Variants in NMNAT3 observed in about 807,000 individuals in gnomAD.
NMNAT3 encodes the protein nicotinamide nucleotide adenylyltransferase 3.
In NMNAT3, 21 loss-of-function variants were observed where a neutral mutation model predicts 24.8. The ratio of observed to expected loss-of-function variants is 0.85; its 90% CI spans 0.60 to 1.22. The LOEUF (loss-of-function observed/expected upper bound fraction) is 1.22, where lower values mean the gene tolerates loss of function less well. NMNAT3 is among the 50% of genes most tolerant of loss of function. NMNAT3 has a pLI of 0.00. For synonymous variants in NMNAT3, 136 were observed against 155.2 expected, an observed-to-expected ratio of 0.88 and a Z score of 0.92; for missense variants, 387 against 436.6, an observed-to-expected ratio of 0.89 and a Z score of 1.01.
intron 3 of NMNAT3, among the ~76,000 whole-genome samples, chr3:139,597,306 A>T (rs1017842500): frequency 1.3e-5 from 2 of 151,876 alleles, no homozygotes; most frequent in Non-Finnish European, 2.9e-5. Context: ...CTGAGAGCAT[A>T]AAAAAAATCC....
chr3:139,597,851 C>A (rs2054548330), intron 3 of NMNAT3, among the ~76,000 whole-genome samples: 1 of 152,186 alleles, frequency 6.6e-6, no homozygotes, highest in Admixed American at 6.5e-5. Context: ...GAGAAGAATA[C>A]ATAAGGCAGC....
At chr3:139,656,788 T>A (rs1177636219) in intron 1 of NMNAT3, among the ~76,000 whole-genome samples, 2 of 152,102 alleles carry the variant, frequency 1.3e-5, no homozygotes, top group East Asian at 3.9e-4. Context: ...TGAGACCCTG[T>A]CTCTAAAAAC....
chr3:139,644,699 A>G (rs975252324), intron 1 of NMNAT3, among the ~76,000 whole-genome samples: 4 of 152,242 alleles, frequency 2.6e-5, no homozygotes, highest in Admixed American at 1.3e-4. Flanking sequence ...CCTTGATGGA[A>G]TATGAGAAAA....
chr3:139,571,822 G>A (rs916852395), intron 6 of NMNAT3, among the ~76,000 whole-genome samples: 1 of 152,182 alleles, frequency 6.6e-6, no homozygotes, highest in Admixed American at 6.5e-5. Context: ...AGCTGAGACA[G>A]GGATTCTGGA....
intron 1 of NMNAT3, among the ~76,000 whole-genome samples, chr3:139,674,844 C>T (rs1195854442): frequency 3.3e-5 from 5 of 151,972 alleles, no homozygotes; most frequent in African/African-American, 9.7e-5. Flanking sequence ...CATTATTGAC[C>T]GGGCACTTAC....
intron 3 of NMNAT3, among the ~76,000 whole-genome samples, chr3:139,587,323 G>T (rs2053978824): frequency 6.6e-6 from 1 of 152,166 alleles, no homozygotes; most frequent in Non-Finnish European, 1.5e-5. Flanking sequence ...CAAAGCCAGG[G>T]ACTATGGCAT....
intron 2 of NMNAT3, among the ~76,000 whole-genome samples, chr3:139,628,703 G>A (rs1185672650): frequency 2.0e-5 from 3 of 152,154 alleles, no homozygotes; most frequent in African/African-American, 7.2e-5. Flanking sequence ...CTGCCTCCTC[G>A]AGGTGGGACT....
intron 1 of NMNAT3, among the ~76,000 whole-genome samples, chr3:139,645,075 G>A (rs991694068): frequency 3.9e-5 from 6 of 152,052 alleles, no homozygotes; most frequent in African/African-American, 7.2e-5. Context: ...GGTGGCACAC[G>A]CCTGTAATCC....
chr3:139,588,013 T>G (rs1303614774), intron 3 of NMNAT3, among the ~76,000 whole-genome samples: 1 of 152,304 alleles, frequency 6.6e-6, no homozygotes, highest in East Asian at 1.9e-4. Context: ...AAATCAATGC[T>G]TTTTTATAGC....
chr3:139,620,200 CTTTTTT>C (rs34725809), intron 3 of NMNAT3, among the ~76,000 whole-genome samples: 3 of 126,692 alleles, frequency 2.4e-5, no homozygotes, highest in Non-Finnish European at 3.4e-5. Context: ...CTTGTGGAGT[CTTTTTT>C]TTTTTTTTTT....
At chr3:139,573,577 G>A in intron 6 of NMNAT3, 21 bp downstream of exon 6, 1 of 1,477,484 alleles carries the variant, frequency 6.8e-7, no homozygotes, top group Non-Finnish European at 9.2e-7. Flanking sequence ...TTCTCCTACA[G>A]ACAAGAGGAT....
intron 1 of NMNAT3, among the ~76,000 whole-genome samples, chr3:139,672,355 C>A (rs1204713883): frequency 2.0e-5 from 3 of 152,202 alleles, no homozygotes; most frequent in Admixed American, 6.5e-5. Context: ...ATCTTAGGAG[C>A]TCTAAAAAGT....
Position 139,579,008 on chromosome 3 carries a change from A to T in NMNAT3, c.439T>A (p.Tyr147Asn), listed in dbSNP as rs1476964545. 1.2e-6 allele frequency: 2 copies of T among 1,614,132 alleles called. No homozygotes were observed. Among genetic ancestry groups the T allele is most frequent in the Non-Finnish European group, 1.7e-6 (2 of 1,180,010 alleles). Residue 147 changes from tyrosine (Y) to asparagine (N), a missense_variant, in exon 5 of 7, where the codon TAT becomes AAT. This residue lies in a region of NMNAT3 where 323 missense variants were observed against 345.2 expected (regional missense o/e 0.94). Coordinates refer to ENST00000643695, the MANE Select transcript of NMNAT3 (RefSeq NM_001320510.2). Reference sequence around the variant, plus strand: ...GAAGCTGCGAGGTCTTTCTTCCCATAGGTGTCGTTGACAGGAGAGATGATA... The same window carrying T: ...GAAGCTGCGAGGTCTTTCTTCCCATTGGTGTCGTTGACAGGAGAGATGATA...
At position 139,677,115 on chromosome 3, in the gene NMNAT3, G is replaced by A. The variant is rs553088015; in HGVS notation, c.-141+590C>T. 3.9e-5 allele frequency among the ~76,000 whole-genome samples: 6 copies of A among 152,116 alleles called. 1 individual carries two copies. The highest frequency in any genetic ancestry group is 1.3e-4 in the Admixed American group (2 of 15,276). On this transcript the variant is annotated intron_variant, in intron 1 of 6. Coordinates refer to ENST00000643695, the MANE Select transcript of NMNAT3 (RefSeq NM_001320510.2). ...GAGTTTGCTCTGTTGTTCCCCGCCC[G>A]GGAATTCTCTAAAGTTTTAGTTCCA...
intron 5 of NMNAT3, among the ~76,000 whole-genome samples, chr3:139,577,201 A>G (rs977420404): frequency 3.3e-5 from 5 of 152,216 alleles, no homozygotes; most frequent in African/African-American, 9.6e-5. Context: ...CAGCAGAAGC[A>G]CAAGTAATCG....
chr3:139,624,722 T>A (rs1222519894), intron 3 of NMNAT3, among the ~76,000 whole-genome samples: 1 of 152,228 alleles, frequency 6.6e-6, no homozygotes, highest in African/African-American at 2.4e-5. Flanking sequence ...GTGTTGGGAT[T>A]ACGGGCATGA....
intron 3 of NMNAT3, among the ~76,000 whole-genome samples, chr3:139,603,613 ACCG>A (rs146164109): frequency 0.088 from 13,315 of 152,130 alleles, 603 homozygotes; most frequent in Non-Finnish European, 0.1. Context: ...CTACCATCCT[ACCG>A]TGCCCAGCGA....
intron 3 of NMNAT3, among the ~76,000 whole-genome samples, chr3:139,590,661 T>C (rs1030036289): frequency 9.2e-5 from 14 of 152,054 alleles, no homozygotes; most frequent in African/African-American, 3.4e-4. Context: ...TTTATAAATA[T>C]GATATATAAA....
intron 1 of NMNAT3, among the ~76,000 whole-genome samples, chr3:139,640,604 G>A (rs778475112): frequency 2.2e-4 from 34 of 152,164 alleles, no homozygotes; most frequent in South Asian, 6.2e-4. Flanking sequence ...TGGAAACTTG[G>A]CCAGGCTCTC....
Sources: allele counts gnomAD v4.1 joint callset (sites outside exome capture counted in the v4.1 genomes callset), GRCh38; gene constraint gnomAD v4.1.1; regional missense constraint gnomAD v4.1.1; transcripts MANE v1.5; gene names NCBI Gene and HGNC (gene_info 2026-07-23, HGNC 2026-07-21).